Variants in GRM8 observed in about 807,000 individuals in gnomAD.
GRM8 encodes glutamate metabotropic receptor 8.
In GRM8, 47 loss-of-function variants were observed where a neutral mutation model predicts 87.2. The observed-to-expected ratio is 0.54, with a 90% CI of 0.43 to 0.69. The LOEUF (loss-of-function observed/expected upper bound fraction) is 0.69, where lower values mean the gene tolerates loss of function less well. Among genes scored for constraint, GRM8 ranks in the 30% least tolerant of loss-of-function variants. The pLI is 0.00. For missense variants in GRM8, 1,019 were observed against 1,139.2 expected, an observed-to-expected ratio of 0.89 and a Z score of 1.52; for synonymous variants, 396 against 404.5, an observed-to-expected ratio of 0.98 and a Z score of 0.25.
chr7:127,083,647 A>G (rs1210745046), intron 3 of GRM8, among the ~76,000 whole-genome samples: 2 of 150,826 alleles, frequency 1.3e-5, no homozygotes. Context: ...CCTACCTAAC[A>G]ACAACAACAA....
chr7:126,498,169 G>C (rs1809062887), intron 9 of GRM8, among the ~76,000 whole-genome samples: 1 of 151,896 alleles, frequency 6.6e-6, no homozygotes, highest in African/African-American at 2.4e-5. Flanking sequence ...AGACATAGGA[G>C]AGCTGTGTAT....
chr7:126,985,577 G>A lies in GRM8; in HGVS notation c.728-80894C>T, dbSNP rs142749469. The stretch of plus-strand genomic sequence containing the variant: ...TTTATTTCTTACAGTTATGGAGGCC[G>A]AGAAGTCTCCAAAGTCAAGGGACCA... On this transcript the variant is annotated intron_variant, in intron 3 of 10. Coordinates refer to ENST00000339582, the MANE Select transcript of GRM8 (RefSeq NM_000845.3). Among the ~76,000 whole-genome samples, 272 of 152,210 alleles carry A rather than the reference G, an allele frequency of 1.8e-3. 1 individual carries two copies. Among genetic ancestry groups the A allele is most frequent in the African/African-American group, 6.3e-3 (260 of 41,532 alleles).
chr7:126,950,333 G>A (rs1302313552), intron 3 of GRM8, among the ~76,000 whole-genome samples: 2 of 152,066 alleles, frequency 1.3e-5, no homozygotes, highest in African/African-American at 4.8e-5. Flanking sequence ...TCAGGTATGT[G>A]GAATATAACA....
intron 9 of GRM8, among the ~76,000 whole-genome samples, chr7:126,527,631 C>CTATT (rs1814068438): frequency 6.6e-6 from 1 of 152,192 alleles, no homozygotes; most frequent in Non-Finnish European, 1.5e-5. Flanking sequence ...CTCATCTGGA[C>CTATT]TATTCCTTAG....
chr7:126,601,533 T>G (rs1250946650), intron 8 of GRM8, among the ~76,000 whole-genome samples: 2 of 151,630 alleles, frequency 1.3e-5, no homozygotes, highest in Non-Finnish European at 2.9e-5. Context: ...GTTGAACTAG[T>G]TTACAGTCCC....
chr7:126,924,795 GA>G (rs1464789836), intron 3 of GRM8, among the ~76,000 whole-genome samples: 2 of 152,098 alleles, frequency 1.3e-5, no homozygotes, highest in African/African-American at 4.8e-5. Context: ...ATGTATATAA[GA>G]AGTTGAATGA....
rs1818907552 is a variant in GRM8 at position 126,772,115 on chromosome 7, C to A, written c.1157-2050G>T. On this transcript the variant is annotated intron_variant, in intron 6 of 10. Coordinates refer to ENST00000339582, the MANE Select transcript of GRM8 (RefSeq NM_000845.3). ...AGTAAATACTGAAGGATGGTTACAG[C>A]AACCAAATAGACGCTGTTATTTCCG... 2.6e-5 allele frequency among the ~76,000 whole-genome samples: 4 copies of A among 152,086 alleles called. No homozygotes were observed. In the South Asian group the frequency reaches 8.3e-4, roughly 31 times the overall value.
intron 9 of GRM8, among the ~76,000 whole-genome samples, chr7:126,464,446 A>C (rs548987647): frequency 1.3e-5 from 2 of 151,596 alleles, no homozygotes; most frequent in African/African-American, 4.8e-5. Context: ...CTTTTGATTG[A>C]AGATTTTAGC....
At chr7:126,677,011 C>T (rs80252159) in intron 7 of GRM8, among the ~76,000 whole-genome samples, 1,919 of 151,838 alleles carry the variant, frequency 0.013, 50 homozygotes, top group African/African-American at 0.044. Flanking sequence ...TTCAAATCAG[C>T]AGGAAAAAAA....
At position 127,190,696 on chromosome 7, in the gene GRM8, T is replaced by C. The variant is rs1794983140; in HGVS notation, c.510+51999A>G. On this transcript the variant is annotated intron_variant, in intron 2 of 10. Coordinates refer to ENST00000339582, the MANE Select transcript of GRM8 (RefSeq NM_000845.3). ...AAAATAAAAAGCAGAGTATTATGAA[T>C]TTATGAATTGCAAAGATGGAACCCA... 6.6e-5 allele frequency among the ~76,000 whole-genome samples: 10 copies of C among 152,308 alleles called. No homozygotes were observed. The South Asian group carries it at 2.1e-3, about 32-fold the overall frequency.
At chr7:126,759,389 C>T (rs1392071007) in intron 7 of GRM8, among the ~76,000 whole-genome samples, 1 of 120,974 alleles carries the variant, frequency 8.3e-6, no homozygotes, top group Non-Finnish European at 1.9e-5. Context: ...AAATACGTTC[C>T]ATCAATAAAA....
chr7:126,711,812 C>A (rs1811122771), intron 7 of GRM8, among the ~76,000 whole-genome samples: 1 of 152,152 alleles, frequency 6.6e-6, no homozygotes, highest in African/African-American at 2.4e-5. Context: ...TTTTCTTAAA[C>A]CTCATGAACC....
chr7:126,904,312 CAT>C (rs529467948), intron 4 of GRM8, among the ~76,000 whole-genome samples, 186 bp from the exon 5 acceptor site: 3 of 152,304 alleles, frequency 2.0e-5, no homozygotes, highest in South Asian at 4.1e-4. Flanking sequence ...CTAACTCCAA[CAT>C]ATGTTAATTA....
intron 6 of GRM8, among the ~76,000 whole-genome samples, chr7:126,827,157 T>C (rs1794892031): frequency 2.0e-5 from 3 of 152,136 alleles, no homozygotes; most frequent in East Asian, 3.8e-4. Flanking sequence ...CGTGATGCCT[T>C]CAGCTTTGTT....
chr7:126,491,657 A>G (rs1412811490), intron 9 of GRM8, among the ~76,000 whole-genome samples: 1 of 152,108 alleles, frequency 6.6e-6, no homozygotes. Context: ...AGCTTCTGTG[A>G]ACCTTTAGCC....
intron 6 of GRM8, among the ~76,000 whole-genome samples, chr7:126,773,036 C>A (rs1819019915): frequency 1.3e-5 from 2 of 151,888 alleles, no homozygotes; most frequent in South Asian, 4.1e-4. Flanking sequence ...AAATAGAAAG[C>A]AGTAGGAAGA....
At chr7:126,669,209 C>T (rs1253265803) in intron 7 of GRM8, among the ~76,000 whole-genome samples, 3 of 152,104 alleles carry the variant, frequency 2.0e-5, no homozygotes, top group African/African-American at 7.2e-5. Context: ...GGACAAATAC[C>T]TAATGAATGT....
chr7:126,444,479 A>G (rs1046526451), intron 10 of GRM8, among the ~76,000 whole-genome samples: 4 of 152,030 alleles, frequency 2.6e-5, no homozygotes, highest in Non-Finnish European at 5.9e-5. Flanking sequence ...AAATTCTTGT[A>G]AGGTTCATTT....
intron 7 of GRM8, among the ~76,000 whole-genome samples, chr7:126,635,550 C>T (rs1316766670): frequency 2.0e-5 from 3 of 152,062 alleles, no homozygotes; most frequent in African/African-American, 7.2e-5. Context: ...GGGTACATCA[C>T]AAAATGTATT....
Sources: allele counts gnomAD v4.1 joint callset (sites outside exome capture counted in the v4.1 genomes callset), GRCh38; gene constraint gnomAD v4.1.1; transcripts MANE v1.5; gene names NCBI Gene and HGNC (gene_info 2026-07-23, HGNC 2026-07-21).